ALAS2: variants seen among roughly 807,000 people sequenced by gnomAD.
ALAS2 encodes the protein 5-aminolevulinate synthase, erythroid-specific, mitochondrial.
ALAS2 carries 3 observed loss-of-function variants against 33.7 expected under a neutral mutation model. The ratio of observed to expected loss-of-function variants is 0.09; its 90% CI spans 0.04 to 0.23. The LOEUF is 0.23. Among genes scored for constraint, ALAS2 ranks in the 10% least tolerant of loss-of-function variants. The probability of loss-of-function intolerance (pLI) is 1.00; values close to 1 mark genes in which losing one functional copy is unlikely to be tolerated. For missense variants in ALAS2, 304 were observed against 475.1 expected, an observed-to-expected ratio of 0.64 and a Z score of 3.35; for synonymous variants, 191 against 177.3, an observed-to-expected ratio of 1.08 and a Z score of -0.61.
chrX:55,029,893 A>G (rs983823), intron 1 of ALAS2, among the ~76,000 whole-genome samples: 40,511 of 109,148 alleles, frequency 0.37, 6,793 homozygotes, highest in Non-Finnish European at 0.5. Context: ...AAAAGGGCCA[A>G]CTGCAACTCT....
intron 4 of ALAS2, among the ~76,000 whole-genome samples, chrX:55,022,684 A>C (rs930097568): frequency 2.7e-5 from 3 of 111,770 alleles, no homozygotes; most frequent in African/African-American, 9.7e-5. Context: ...CTGGAGAAAC[A>C]CTTGCCTGTG....
chrX:55,024,961 G>C, intron 2 of ALAS2, 121 bp from the exon 3 acceptor site: 1 of 941,973 alleles, frequency 1.1e-6, no homozygotes, highest in Non-Finnish European at 1.5e-6. Context: ...GAGACACAGA[G>C]ATAGATGAGT....
At chrX:55,017,399 A>G in intron 7 of ALAS2, 87 bp downstream of exon 7, 7 of 882,832 alleles carry the variant, frequency 7.9e-6, no homozygotes, top group South Asian at 2.0e-5. Flanking sequence ...ATTAGCTGTT[A>G]TAATGTTATC....
At chrX:55,019,566 G>A (rs1050753294) in intron 6 of ALAS2, among the ~76,000 whole-genome samples, 1 of 111,529 alleles carries the variant, frequency 9.0e-6, no homozygotes, top group East Asian at 2.8e-4. Flanking sequence ...AAATGGGATT[G>A]TCAGAGACCA....
chrX:55,012,886 G>A (rs182614494), intron 10 of ALAS2, among the ~76,000 whole-genome samples: 4 of 112,051 alleles, frequency 3.6e-5, no homozygotes, highest in African/African-American at 1.3e-4. Context: ...GGCATTTTCA[G>A]GGTAAATCTC....
At chrX:55,021,687 A>G (rs772934357) in intron 4 of ALAS2, among the ~76,000 whole-genome samples, 66 of 111,881 alleles carry the variant, frequency 5.9e-4, no homozygotes, top group Non-Finnish European at 1.1e-3. Context: ...AAATTTCTTT[A>G]TTTGTAGAAT....
intron 6 of ALAS2, among the ~76,000 whole-genome samples, chrX:55,018,421 A>G (rs373662069): frequency 4.5e-5 from 5 of 111,474 alleles, no homozygotes; most frequent in Admixed American, 2.9e-4. Context: ...AAAATGAGTT[A>G]TGGCTTTCTG....
chrX:55,012,578 G>A lies in ALAS2; in HGVS notation c.1600+908C>T, dbSNP rs192045525. On this transcript the variant is annotated intron_variant, in intron 10 of 10. Coordinates refer to ENST00000650242, the MANE Select transcript of ALAS2 (RefSeq NM_000032.5). Reference sequence around the variant, plus strand: ...CCTAGGCAGGTGGATTACGAGGTCAGGAGTTCGAGACTAGCCTGGCCAACA... The same window carrying A: ...CCTAGGCAGGTGGATTACGAGGTCAAGAGTTCGAGACTAGCCTGGCCAACA... Among the ~76,000 whole-genome samples the A allele has an allele frequency of 1.6e-3, 178 of 112,367 alleles. 1 individual carries two copies. The highest frequency in any genetic ancestry group is 5.5e-3 in the African/African-American group (169 of 30,929).
At chrX:55,011,350 TA>T (rs747005981) in intron 10 of ALAS2, among the ~76,000 whole-genome samples, 1 of 111,770 alleles carries the variant, frequency 8.9e-6, no homozygotes, top group Non-Finnish European at 1.9e-5. Flanking sequence ...ATTTTTAAGA[TA>T]AAAAAACATA....
At chrX:55,017,107 A>G (rs1417137007) in intron 7 of ALAS2, among the ~76,000 whole-genome samples, 2 of 112,141 alleles carry the variant, frequency 1.8e-5, no homozygotes, top group Non-Finnish European at 3.8e-5. Context: ...TAGGGTGCAG[A>G]TACTCACTTT....
rs1318254053 is a variant in ALAS2, at chrX:55,009,309, C to T, written c.1635G>A (p.Leu545=). The change falls in exon 11 of 11, where the codon CTG becomes CTA. Residue 545 remains leucine (L), a synonymous_variant. Coordinates refer to ENST00000650242, the MANE Select transcript of ALAS2 (RefSeq NM_000032.5). ...KLLLAWTAVG[L]PLQDVSVAAC... ...CAGCCACAGACACATCCTGGAGGGG[C>T]AGCCCCACCGCAGTCCAAGCCAGCA... 2.0e-5 allele frequency: 24 copies of T among 1,204,250 alleles called. No individual in the cohort carries two copies. Among genetic ancestry groups the T allele is most frequent in the Non-Finnish European group, 2.7e-5 (24 of 892,005 alleles).
At chrX:55,016,232 G>A (rs1369927575) in intron 7 of ALAS2, among the ~76,000 whole-genome samples, 1 of 109,884 alleles carries the variant, frequency 9.1e-6, no homozygotes, top group East Asian at 2.8e-4. Flanking sequence ...AATGTAACGA[G>A]GTAGAATGGT....
chrX:55,026,361 A>C (rs1387154401), intron 1 of ALAS2, among the ~76,000 whole-genome samples: 1 of 111,835 alleles, frequency 8.9e-6, no homozygotes, highest in Non-Finnish European at 1.9e-5. Flanking sequence ...CAACCCACTA[A>C]CCCTTTGATC....
At chrX:55,022,155 AAACTCTAG>A (rs1240442601) in intron 4 of ALAS2, among the ~76,000 whole-genome samples, 3 of 112,430 alleles carry the variant, frequency 2.7e-5, no homozygotes, top group African/African-American at 3.2e-5. Flanking sequence ...AGAGCTTGTT[AAACTCTAG>A]AACTCTTTAC....
intron 7 of ALAS2, among the ~76,000 whole-genome samples, chrX:55,015,959 C>CTCTG (rs1482050305): frequency 2.9e-4 from 23 of 80,151 alleles, no homozygotes; most frequent in Non-Finnish European, 5.0e-4. Context: ...CTCTGTCTCT[C>CTCTG]TGTGTGTGTG....
intron 7 of ALAS2, among the ~76,000 whole-genome samples, chrX:55,017,045 A>G (rs1935713437): frequency 8.9e-6 from 1 of 111,996 alleles, no homozygotes; most frequent in African/African-American, 3.2e-5. Flanking sequence ...ATTGATTTAC[A>G]TATCATTTCT....
rs780471920 is a variant in ALAS2, at chrX:55,021,309, T to C, written c.416-35A>G. 9.0e-6 allele frequency: 10 copies of C among 1,110,298 alleles called. No homozygotes were observed. The African/African-American group carries it at 1.8e-4, about 20-fold the overall frequency. The allele number at this position is 1,110,298 out of a possible 1,213,427, so 91.5% of individuals were successfully genotyped here. A position where few individuals can be genotyped will look rare whatever the true frequency, so the allele number is the denominator to read the frequency against. ...CAGATATGAGGATGAAAAGAATTCG[T>C]TTTAAGTCTCTCCCTGGCTAGTCTG... On this transcript the variant is annotated intron_variant, in intron 4 of 10. Transcript: ENST00000650242.
chrX:55,023,215 T>C (rs1935836172), intron 4 of ALAS2, among the ~76,000 whole-genome samples: 1 of 110,325 alleles, frequency 9.1e-6, no homozygotes, highest in Non-Finnish European at 1.9e-5. Flanking sequence ...TGTGTGTGTG[T>C]GTGTGTGTGT....
intron 1 of ALAS2, among the ~76,000 whole-genome samples, chrX:55,028,373 A>G (rs746738019): frequency 1.4e-4 from 16 of 111,268 alleles, no homozygotes; most frequent in African/African-American, 5.2e-4. Flanking sequence ...GGCAAGGCAG[A>G]TGACAAGGCT....
Sources: gnomAD v4.1 joint callset for allele counts (sites outside exome capture counted in the v4.1 genomes callset) on GRCh38, gnomAD v4.1.1 for gene constraint, MANE v1.5 for transcripts, NCBI Gene and HGNC (gene_info 2026-07-23, HGNC 2026-07-21) for gene names.